KCNJ3: variants seen among roughly 807,000 people sequenced by gnomAD.
The protein encoded by KCNJ3 is G protein-activated inward rectifier potassium channel 1.
KCNJ3 carries 4 observed loss-of-function variants against 39.2 expected under a neutral mutation model. The ratio of observed to expected loss-of-function variants is 0.10; its 90% CI spans 0.05 to 0.23. KCNJ3 has a LOEUF of 0.23. Ranked by LOEUF, KCNJ3 falls within the 10% of genes least tolerant of loss-of-function variation. The probability of loss-of-function intolerance (pLI) is 1.00; values close to 1 mark genes in which losing one functional copy is unlikely to be tolerated. For missense variants in KCNJ3, 276 were observed against 634.9 expected, an observed-to-expected ratio of 0.43 and a Z score of 6.08; for synonymous variants, 230 against 237.4, an observed-to-expected ratio of 0.97 and a Z score of 0.29.
chr2:154,727,322 A>G (rs1685376086), intron 2 of KCNJ3, among the ~76,000 whole-genome samples: 2 of 152,008 alleles, frequency 1.3e-5, no homozygotes. Flanking sequence ...GTGGTGGCTC[A>G]CGCCTGTAAT....
At chr2:154,772,416 T>A (rs954134219) in intron 2 of KCNJ3, among the ~76,000 whole-genome samples, 3 of 152,160 alleles carry the variant, frequency 2.0e-5, no homozygotes, top group African/African-American at 7.2e-5. Context: ...GTTCTTTTTT[T>A]AATTTGCTAC....
chr2:154,790,643 T>A (rs1038041891), intron 2 of KCNJ3, among the ~76,000 whole-genome samples: 1 of 152,116 alleles, frequency 6.6e-6, no homozygotes, highest in African/African-American at 2.4e-5. Context: ...TATAAAGTGT[T>A]GGTTATCACA....
chr2:154,820,637 C>G (rs974294187), intron 2 of KCNJ3, among the ~76,000 whole-genome samples: 107 of 152,232 alleles, frequency 7.0e-4, no homozygotes, highest in African/African-American at 2.5e-3. Context: ...TTTCTGTCTT[C>G]TAGTGAACAG....
chr2:154,723,180 G>A (rs1208213425), intron 2 of KCNJ3, among the ~76,000 whole-genome samples: 1 of 152,110 alleles, frequency 6.6e-6, no homozygotes, highest in Non-Finnish European at 1.5e-5. Context: ...AGCTACAGGG[G>A]TGACTGAGAT....
chr2:154,839,265 AG>A (rs2105127820), intron 2 of KCNJ3, among the ~76,000 whole-genome samples: 1 of 152,310 alleles, frequency 6.6e-6, no homozygotes, highest in South Asian at 2.1e-4. Flanking sequence ...GTCCCTGCAA[AG>A]GATATGAACT....
At chr2:154,796,382 T>TA (rs1686721342) in intron 2 of KCNJ3, among the ~76,000 whole-genome samples, 1 of 152,206 alleles carries the variant, frequency 6.6e-6, no homozygotes, top group Non-Finnish European at 1.5e-5. Flanking sequence ...TAGACACTAT[T>TA]GAAGTATTCC....
At chr2:154,706,981 G>A (rs910814461) in intron 1 of KCNJ3, among the ~76,000 whole-genome samples, 2 of 151,984 alleles carry the variant, frequency 1.3e-5, no homozygotes, top group Non-Finnish European at 1.5e-5. Context: ...AAATCAGGGA[G>A]GTGAACATAT....
At chr2:154,787,295 A>G (rs1057301334) in intron 2 of KCNJ3, among the ~76,000 whole-genome samples, 6 of 151,982 alleles carry the variant, frequency 3.9e-5, no homozygotes, top group African/African-American at 1.5e-4. Context: ...TGCTCTTAGC[A>G]TTGTCTTGAA....
intron 2 of KCNJ3, among the ~76,000 whole-genome samples, chr2:154,820,920 C>T (rs2105109955): frequency 6.6e-6 from 1 of 152,206 alleles, no homozygotes; most frequent in East Asian, 1.9e-4. Context: ...AGGGTTGGTG[C>T]TCTAGCTACC....
chr2:154,701,425 A>G (rs181181761), intron 1 of KCNJ3, among the ~76,000 whole-genome samples: 25 of 152,140 alleles, frequency 1.6e-4, no homozygotes, highest in African/African-American at 5.3e-4. Context: ...ATTTTATTAC[A>G]TTTTATTTCA....
chr2:154,736,374 TAAAAAAAAAAAAAAAAAAA>T lies in KCNJ3; in HGVS notation c.919+26577_919+26595del, dbSNP rs70983745. Among the ~76,000 whole-genome samples the T allele has an allele frequency of 1.7e-4, 16 of 93,236 alleles. 2 individuals are homozygous for T. The highest frequency in any genetic ancestry group is 1.3e-3 in the Admixed American group (10 of 7,672). 61.2% of individuals were successfully genotyped at this position (93,236 alleles called of 152,430 possible). On this transcript the variant is annotated intron_variant, in intron 2 of 2. Coordinates refer to ENST00000295101, the MANE Select transcript of KCNJ3 (RefSeq NM_002239.4). ...AGAGAGTGACAGGAGTCACTAGTTC[TAAAAAAAAAAAAAAAAAAA>T]AAAAAAAAAAAAAAAAAAAAACCTA... is the stretch of plus-strand genomic sequence containing the variant.
intron 2 of KCNJ3, among the ~76,000 whole-genome samples, chr2:154,794,525 A>G (rs1389560043): frequency 6.6e-6 from 1 of 152,040 alleles, no homozygotes. Flanking sequence ...AATATGTTGC[A>G]GTATGACTGA....
At position 154,843,786 on chromosome 2, in the gene KCNJ3, A is replaced by G. The variant is rs576753590; in HGVS notation, c.920-10941A>G. ...TTCTCATGCCATGGTTTTCAGCTCC[A>G]TCAGGTCTTTTAAGGTCTTCTCCAC... is the stretch of plus-strand genomic sequence containing the variant. On this transcript the variant is annotated intron_variant, in intron 2 of 2. Transcript: ENST00000295101. 4.6e-5 allele frequency among the ~76,000 whole-genome samples: 7 copies of G among 152,322 alleles called. No individual in the cohort carries two copies. In the East Asian group the frequency reaches 1.2e-3, roughly 25 times the overall value.
chr2:154,815,588 GTGTACTTA>G (rs1348261477), intron 2 of KCNJ3, among the ~76,000 whole-genome samples: 1 of 152,186 alleles, frequency 6.6e-6, no homozygotes, highest in East Asian at 1.9e-4. Flanking sequence ...TAGAACTTGT[GTGTACTTA>G]TGCATAGGCA....
intron 2 of KCNJ3, among the ~76,000 whole-genome samples, chr2:154,761,418 G>A (rs1686044912): frequency 6.6e-6 from 1 of 152,102 alleles, no homozygotes; most frequent in African/African-American, 2.4e-5. Flanking sequence ...ATATGCCCCT[G>A]TCGTTATTTT....
At chr2:154,852,526 G>A (rs1687773928) in intron 2 of KCNJ3, among the ~76,000 whole-genome samples, 1 of 152,118 alleles carries the variant, frequency 6.6e-6, no homozygotes. Context: ...GACAGTGGCT[G>A]CTTTTAGGGA....
At chr2:154,834,953 TATA>T (rs1276942884) in intron 2 of KCNJ3, among the ~76,000 whole-genome samples, 7 of 151,932 alleles carry the variant, frequency 4.6e-5, no homozygotes, top group East Asian at 3.9e-4. Flanking sequence ...TTTAATCAAT[TATA>T]ATAATTAGAA....
At chr2:154,795,129 A>C (rs562325199) in intron 2 of KCNJ3, among the ~76,000 whole-genome samples, 1 of 152,166 alleles carries the variant, frequency 6.6e-6, no homozygotes, top group East Asian at 1.9e-4. Context: ...TCTTGGAATA[A>C]CTGGATTGAA....
chr2:154,700,591 T>C (rs1331035462), intron 1 of KCNJ3, among the ~76,000 whole-genome samples: 1 of 152,244 alleles, frequency 6.6e-6, no homozygotes, highest in Non-Finnish European at 1.5e-5. Context: ...AGTCTGAATT[T>C]AGTATTAATA....
Sources: allele counts gnomAD v4.1 joint callset (sites outside exome capture counted in the v4.1 genomes callset), GRCh38; gene constraint gnomAD v4.1.1; transcripts MANE v1.5; gene names NCBI Gene and HGNC (gene_info 2026-07-23, HGNC 2026-07-21).